Variants in AP3B1 observed in about 807,000 individuals in gnomAD.
The protein encoded by AP3B1 is AP-3 complex subunit beta-1.
Under a neutral mutation model 132.5 loss-of-function variants are expected in AP3B1, and 61 were observed. The ratio of observed to expected loss-of-function variants is 0.46; its 90% CI spans 0.37 to 0.57. The LOEUF (loss-of-function observed/expected upper bound fraction) is 0.57, where lower values mean the gene tolerates loss of function less well. AP3B1 is among the 20% of genes least tolerant of loss of function. AP3B1 has a pLI of 0.00. For synonymous variants in AP3B1, 388 were observed against 438.3 expected (o/e 0.89, Z 1.43); for missense variants, 1,120 against 1,289.4 (o/e 0.87, Z 2.01).
At chr5:78,004,640 C>G (rs1283418612) in intron 26 of AP3B1, among the ~76,000 whole-genome samples, 1 of 152,100 alleles carries the variant, frequency 6.6e-6, no homozygotes, top group Non-Finnish European at 1.5e-5. Context: ...TACTAAATTT[C>G]AAATATTATA....
At chr5:78,206,982 G>A (rs1353844301) in intron 7 of AP3B1, among the ~76,000 whole-genome samples, 1 of 152,066 alleles carries the variant, frequency 6.6e-6, no homozygotes, top group African/African-American at 2.4e-5. Context: ...ATTAGGCCAG[G>A]CACGGTGGCT....
chr5:78,166,077 G>A (rs1057411051), intron 11 of AP3B1, among the ~76,000 whole-genome samples: 3 of 150,440 alleles, frequency 2.0e-5, no homozygotes, highest in African/African-American at 4.9e-5. Flanking sequence ...CCGAGATCGC[G>A]CCATTGCACT....
intron 22 of AP3B1, among the ~76,000 whole-genome samples, chr5:78,079,477 G>A (rs1749900607): frequency 6.6e-6 from 1 of 152,068 alleles, no homozygotes; most frequent in Non-Finnish European, 1.5e-5. Context: ...TATAAATGCA[G>A]TTCATTAATT....
chr5:78,272,616 A>T (rs1748594034), intron 1 of AP3B1, among the ~76,000 whole-genome samples: 1 of 152,192 alleles, frequency 6.6e-6, no homozygotes, highest in Admixed American at 6.5e-5. Flanking sequence ...TAAATAAGAC[A>T]TTTTTAAGTC....
At position 78,089,482 on chromosome 5, in the gene AP3B1, G is replaced by C; in HGVS notation, c.2488C>G (p.Pro830Ala). 6.2e-7 allele frequency: 1 copy of C among 1,612,228 alleles called. No homozygotes were observed. Among genetic ancestry groups the C allele is most frequent in the Non-Finnish European group, 8.5e-7 (1 of 1,178,344 alleles). The change falls in exon 22 of 27, where the codon CCA (proline) becomes GCA (alanine). Residue 830 changes from proline (P) to alanine (A), a missense_variant. Pro to Ala is a conservative substitution (Grantham distance 27). Coordinates refer to ENST00000255194, the MANE Select transcript of AP3B1 (RefSeq NM_003664.5). ...AGAGCTGGTGTGGGAAGTGCAACTG[G>C]AGTGGATACTGGGTTAACTGTAAGA... ...DLDDFNPVSTPVALPTPALSP... is the reference protein window; with the variant it reads ...DLDDFNPVSTAVALPTPALSP...
intron 15 of AP3B1, among the ~76,000 whole-genome samples, chr5:78,138,398 C>G (rs2112320739): frequency 6.6e-6 from 1 of 151,946 alleles, no homozygotes; most frequent in Non-Finnish European, 1.5e-5. Context: ...ACACGGGAGG[C>G]AGAGGTTGCA....
intron 6 of AP3B1, among the ~76,000 whole-genome samples, chr5:78,217,509 A>G (rs1348968416): frequency 1.3e-5 from 2 of 152,040 alleles, no homozygotes; most frequent in Non-Finnish European, 2.9e-5. Flanking sequence ...AATGTATTAT[A>G]TATATAATTT....
intron 1 of AP3B1, among the ~76,000 whole-genome samples, chr5:78,279,157 G>C (rs1408589396): frequency 1.3e-5 from 2 of 152,104 alleles, no homozygotes; most frequent in African/African-American, 4.8e-5. Context: ...ATTTCTGAAA[G>C]GATACATAAG....
intron 17 of AP3B1, among the ~76,000 whole-genome samples, chr5:78,116,745 A>T (rs1751852680): frequency 6.6e-6 from 1 of 152,174 alleles, no homozygotes; most frequent in African/African-American, 2.4e-5. Flanking sequence ...TAAGCCATCA[A>T]GAAATCCTGT....
At chr5:78,192,328 T>G (rs893767445) in intron 7 of AP3B1, among the ~76,000 whole-genome samples, 1 of 152,024 alleles carries the variant, frequency 6.6e-6, no homozygotes, top group African/African-American at 2.4e-5. Flanking sequence ...TGAATGATTC[T>G]GCCCTCCCAC....
At chr5:78,212,655 T>C (rs527291452) in intron 7 of AP3B1, among the ~76,000 whole-genome samples, 1 of 152,250 alleles carries the variant, frequency 6.6e-6, no homozygotes, top group South Asian at 2.1e-4. Flanking sequence ...CAAGTGTTGA[T>C]GGTAAAAGGA....
At chr5:78,217,555 C>G (rs1191841387) in intron 6 of AP3B1, among the ~76,000 whole-genome samples, 1 of 151,984 alleles carries the variant, frequency 6.6e-6, no homozygotes, top group Non-Finnish European at 1.5e-5. Flanking sequence ...AAGTTAAGCT[C>G]ATGCTTTCAA....
At chr5:78,113,222 C>T (rs2112258943) in intron 19 of AP3B1, among the ~76,000 whole-genome samples, 1 of 152,226 alleles carries the variant, frequency 6.6e-6, no homozygotes, top group East Asian at 1.9e-4. Flanking sequence ...GATATTAGAC[C>T]CAATTACTCA....
chr5:78,240,916 AT>A lies in AP3B1; in HGVS notation c.224del (p.Asn75MetfsTer10). On this transcript the variant is annotated frameshift_variant, in exon 3 of 27. Transcript: ENST00000255194. LOFTEE classifies it high-confidence loss of function. ...RIVGMIAKGK[N>X]ASELFPAVVK... is the part of the protein sequence containing the mutation. The stretch of plus-strand genomic sequence containing the variant: ...CAACAGCAGGAAACAGTTCAGATGC[AT>A]TTTTCCCTTTTGCAATCATCTGAAG... 1 of 1,612,944 alleles carries A rather than the reference AT, an allele frequency of 6.2e-7. No homozygotes were observed. Among genetic ancestry groups the A allele is most frequent in the Non-Finnish European group, 8.5e-7 (1 of 1,179,150 alleles).
intron 5 of AP3B1, 81 bp from the exon 6 acceptor site, chr5:78,225,689 G>T: frequency 1.1e-6 from 1 of 874,100 alleles, no homozygotes; most frequent in Non-Finnish European, 1.8e-6. Flanking sequence ...AGGATGTTGA[G>T]AAATTTTTAA....
chr5:78,096,809 G>C (rs998249147), intron 21 of AP3B1, among the ~76,000 whole-genome samples: 6 of 151,760 alleles, frequency 4.0e-5, no homozygotes, highest in African/African-American at 1.4e-4. Context: ...GAGCGTCTCC[G>C]CCCGGCAGCC....
At chr5:78,175,385 G>A (rs558353662) in intron 11 of AP3B1, among the ~76,000 whole-genome samples, 1 of 152,174 alleles carries the variant, frequency 6.6e-6, no homozygotes, top group Admixed American at 6.5e-5. Context: ...TTAAATGCCT[G>A]TCTCCTTCAG....
chr5:78,096,136 G>A (rs551988050), intron 21 of AP3B1, among the ~76,000 whole-genome samples: 25 of 152,296 alleles, frequency 1.6e-4, no homozygotes, highest in African/African-American at 4.6e-4. Context: ...TCAGCCTGCC[G>A]AGTGCCTGCG....
intron 24 of AP3B1, among the ~76,000 whole-genome samples, chr5:78,026,318 A>C (rs1349980007): frequency 6.6e-6 from 1 of 152,226 alleles, no homozygotes; most frequent in East Asian, 1.9e-4. Flanking sequence ...CTTGGTACAC[A>C]TTTAACTGTA....
Sources: allele counts gnomAD v4.1 joint callset (sites outside exome capture counted in the v4.1 genomes callset), GRCh38; gene constraint gnomAD v4.1.1; transcripts MANE v1.5; gene names NCBI Gene and HGNC (gene_info 2026-07-23, HGNC 2026-07-21).